Variants in SIGLEC8 observed in about 807,000 individuals in gnomAD.
SIGLEC8 encodes the protein sialic acid-binding Ig-like lectin 8.
In SIGLEC8, 32 loss-of-function variants were observed where a neutral mutation model predicts 42.1. The ratio of observed to expected loss-of-function variants is 0.76; its 90% CI spans 0.57 to 1.02. The LOEUF (loss-of-function observed/expected upper bound fraction) is 1.02, where lower values mean the gene tolerates loss of function less well. Ranked by LOEUF, SIGLEC8 falls within the 50% of genes least tolerant of loss-of-function variation. SIGLEC8 has a pLI of 0.00. For missense variants in SIGLEC8, 611 were observed against 610.2 expected (o/e 1.00, Z -0.01); for synonymous variants, 262 against 260.3 (o/e 1.01, Z -0.06).
At position 51,454,590 on chromosome 19, in the gene SIGLEC8, C is replaced by A; in HGVS notation, c.1148+94G>T. On this transcript the variant is annotated intron_variant, in intron 5 of 6. Coordinates refer to ENST00000321424, the MANE Select transcript of SIGLEC8 (RefSeq NM_014442.3). The surrounding 1 kb of genome is among the most constrained non-coding windows in gnomAD (Gnocchi z 4.7). ...GCTCATTCTTGCCCCAAGCCCTGGACCCATCCAGGTCCTTCCAGCTCTGGC... is the reference window on the plus strand; with the variant it reads ...GCTCATTCTTGCCCCAAGCCCTGGAACCATCCAGGTCCTTCCAGCTCTGGC... The A allele has an allele frequency of 1.7e-6, 2 of 1,180,752 alleles. No individual in the cohort carries two copies. The highest frequency in any genetic ancestry group is 1.3e-6 in the Non-Finnish European group (1 of 795,316). 73.1% of individuals were successfully genotyped at this position (1,180,752 alleles called of 1,614,324 possible).
chr19:51,453,630 G>A lies in SIGLEC8; in HGVS notation c.1245+589C>T, dbSNP rs1989420724. 4 of 547,540 alleles carry A rather than the reference G, an allele frequency of 7.3e-6. No homozygotes were observed. In the South Asian group the frequency reaches 3.2e-4, roughly 43 times the overall value. The allele number at this position is 547,540 out of a possible 1,614,324, so 33.9% of individuals were successfully genotyped here. ...GAATTGCTTGAACCTGGGAGGCAGA[G>A]GTTGCAGTGAGCCGAGATTGCCCCA... On this transcript the variant is annotated intron_variant, in intron 6 of 6. Coordinates refer to ENST00000321424, the MANE Select transcript of SIGLEC8 (RefSeq NM_014442.3).
chr19:51,453,341 T>C, intron 6 of SIGLEC8: 4 of 973,916 alleles, frequency 4.1e-6, no homozygotes, highest in Non-Finnish European at 4.9e-6. Context: ...CCTCCTACCT[T>C]GGCCTCCCAA....
rs1392008327 is a variant in SIGLEC8 at position 51,455,572 on chromosome 19, G to A, written c.897C>T (p.Ser299=). The A allele has an allele frequency of 1.2e-6, 2 of 1,613,924 alleles. No homozygotes were observed. The highest frequency in any genetic ancestry group is 1.3e-5 in the African/African-American group (1 of 74,920). Residue 299 remains serine (S), a synonymous_variant, in exon 4 of 7, where the codon AGC becomes AGT. Transcript: ENST00000321424. The part of the protein sequence containing the change: ...PPARLSWTRG[S]LTLCPSRSSN... The stretch of plus-strand genomic sequence containing the variant: ...AGGACCGTGAGGGGCACAGGGTCAG[G>A]CTCCCCCGGGTCCAGCTCAGCCTGG...
rs1436383767 is a variant in SIGLEC8, at chr19:51,457,280, A to G, written c.734-49T>C. The stretch of plus-strand genomic sequence containing the variant: ...CCACATTACTATAAGGACTGGGGAC[A>G]TTGGCCCTGTCTTCCCAGGAGCTGC... On this transcript the variant is annotated intron_variant, in intron 2 of 6. Transcript: ENST00000321424. 6 of 1,574,788 alleles carry G rather than the reference A, an allele frequency of 3.8e-6. No individual in the cohort carries two copies. The Admixed American group carries it at 1.0e-4, about 27-fold the overall frequency.
At chr19:51,457,286 C>T (rs185254572) in intron 2 of SIGLEC8, 55 bp from the exon 3 acceptor site, 12 of 1,562,154 alleles carry the variant, frequency 7.7e-6, no homozygotes, top group Non-Finnish European at 1.0e-5. Context: ...GGACATTGGC[C>T]CTGTCTTCCC....
In SIGLEC8 at chr19:51,452,483, T is replaced by A. The variant is rs777140971; in HGVS notation, c.1396A>T (p.Thr466Ser). Residue 466 changes from threonine (T) to serine (S), a missense_variant, in exon 7 of 7, where the codon ACT becomes TCT. Transcript: ENST00000321424. Reference protein sequence around the residue: ...KPQDPQGQEATDSEYSEIKIH... With the variant: ...KPQDPQGQEASDSEYSEIKIH... ...TTGATCTCCGAGTATTCACTGTCAG[T>A]GGCCTCCTGTCCCTGCGGGTCCTGA... 9.3e-6 allele frequency: 15 copies of A among 1,612,454 alleles called. No individual in the cohort carries two copies. In the Admixed American group the frequency reaches 2.3e-4, roughly 25 times the overall value.
chr19:51,454,818 A>T lies in SIGLEC8; in HGVS notation c.1052-38T>A, dbSNP rs770029565. On this transcript the variant is annotated intron_variant, in intron 4 of 6. Coordinates refer to ENST00000321424, the MANE Select transcript of SIGLEC8 (RefSeq NM_014442.3). This position sits in a 1 kb window ranked among gnomAD's most constrained non-coding sequence, Gnocchi z 4.7. ...TGGAGTTGCTTTGGGGATTTATATC[A>T]CGGAGAAGTGGGTCTCTTCCCCTCC... 4 of 1,498,180 alleles carry T rather than the reference A, an allele frequency of 2.7e-6. No individual in the cohort carries two copies. The South Asian group carries it at 4.5e-5, about 17-fold the overall frequency. 92.8% of individuals were successfully genotyped at this position (1,498,180 alleles called of 1,614,324 possible). A position where few individuals can be genotyped will look rare whatever the true frequency, so the allele number is the denominator to read the frequency against.
intron 3 of SIGLEC8, among the ~76,000 whole-genome samples, chr19:51,456,586 A>C (rs1599929745): frequency 1.3e-5 from 2 of 152,362 alleles, no homozygotes; most frequent in South Asian, 4.1e-4. Context: ...CCATCTGTGC[A>C]GTGAAATCAC....
At position 51,455,560 on chromosome 19, in the gene SIGLEC8, G is replaced by A; in HGVS notation, c.909C>T (p.Cys303=). 1.2e-6 allele frequency: 2 copies of A among 1,614,126 alleles called. No homozygotes were observed. Among genetic ancestry groups the A allele is most frequent in the Non-Finnish European group, 1.7e-6 (2 of 1,180,012 alleles). The stretch of plus-strand genomic sequence containing the variant: ...GCCCAGGGTTTGAGGACCGTGAGGG[G>A]CACAGGGTCAGGCTCCCCCGGGTCC... The part of the protein sequence containing the change: ...LSWTRGSLTL[C]PSRSSNPGLL... The change falls in exon 4 of 7, where the codon TGC becomes TGT. Residue 303 remains cysteine (C), a synonymous_variant. Transcript: ENST00000321424.
At chr19:51,456,213 T>TATAATA (rs368300815) in intron 3 of SIGLEC8, among the ~76,000 whole-genome samples, 187 of 150,708 alleles carry the variant, frequency 1.2e-3, no homozygotes, top group African/African-American at 4.3e-3. Context: ...AAACTTAAAG[T>TATAATA]ATAATAATAA....
At chr19:51,452,790 A>G (rs1031286568) in intron 6 of SIGLEC8, among the ~76,000 whole-genome samples, 157 bp from the exon 7 acceptor site, 1 of 152,206 alleles carries the variant, frequency 6.6e-6, no homozygotes, top group Admixed American at 6.5e-5. Flanking sequence ...TTTAACACTT[A>G]CTGAGCACCT....
intron 6 of SIGLEC8, chr19:51,453,563 C>T (rs536710481): frequency 1.6e-5 from 6 of 378,736 alleles, no homozygotes; most frequent in East Asian, 3.3e-4. Context: ...GGCTTGGTGG[C>T]GCGTGCCTGT....
Position 51,458,306 on chromosome 19 carries a change from A to G in SIGLEC8, c.82T>C (p.Leu28=). The change falls in exon 1 of 7, where the codon TTG becomes CTG. Residue 28 remains leucine (L), a synonymous_variant. Transcript: ENST00000321424. The stretch of plus-strand genomic sequence containing the variant: ...GTCACCAGCTCCTGCACTTGCAGCA[A>G]GTAACCATCCCCATATTGTCTGTCT... ...EGDRQYGDGY[L]LQVQELVTVQ... The G allele has an allele frequency of 6.2e-7, 1 of 1,614,128 alleles. No individual in the cohort carries two copies. The highest frequency in any genetic ancestry group is 8.5e-7 in the Non-Finnish European group (1 of 1,180,000).
rs146821067 is a variant in SIGLEC8, at chr19:51,458,133, G to T, written c.255C>A (p.Asp85Glu). The T allele has an allele frequency of 2.2e-5, 36 of 1,614,022 alleles. No homozygotes were observed. The Admixed American group carries it at 5.8e-4, about 26-fold the overall frequency. Residue 85 changes from aspartate to glutamate, a missense_variant, in exon 1 of 7, where the codon GAC becomes GAA. Physicochemically the swap from Asp to Glu is conservative, Grantham distance 45 (BLOSUM62 2). Coordinates refer to ENST00000321424, the MANE Select transcript of SIGLEC8 (RefSeq NM_014442.3). ...QDAPVATNNP[D>E]REVQAETQGR... Reference sequence around the variant, plus strand: ...CCTGGGTCTCTGCCTGCACTTCTCTGTCTGGGTTGTTTGTGGCCACTGGAG... The same window carrying T: ...CCTGGGTCTCTGCCTGCACTTCTCTTTCTGGGTTGTTTGTGGCCACTGGAG...
Position 51,454,100 on chromosome 19 carries a change from G to T in SIGLEC8, c.1245+119C>A. The stretch of plus-strand genomic sequence containing the variant: ...GGGAGTCCTGTAGAAGCCGGCCTGT[G>T]GGAAGGAGGAGGAGACGAGGAAGTG... On this transcript the variant is annotated intron_variant, in intron 6 of 6. Transcript: ENST00000321424. This position sits in a 1 kb window ranked among gnomAD's most constrained non-coding sequence, Gnocchi z 4.7. 1 of 1,514,302 alleles carries T rather than the reference G, an allele frequency of 6.6e-7. No individual in the cohort carries two copies. Among genetic ancestry groups the T allele is most frequent in the Admixed American group, 2.2e-5 (1 of 45,130 alleles). 93.8% of individuals were successfully genotyped at this position (1,514,302 alleles called of 1,614,324 possible).
chr19:51,454,599 G>T lies in SIGLEC8; in HGVS notation c.1148+85C>A. 1.6e-6 allele frequency: 2 copies of T among 1,248,306 alleles called. No individual in the cohort carries two copies. The highest frequency in any genetic ancestry group is 2.3e-6 in the Non-Finnish European group (2 of 852,798). The allele number at this position is 1,248,306 out of a possible 1,614,324, so 77.3% of individuals were successfully genotyped here. ...TGCCCCAAGCCCTGGACCCATCCAG[G>T]TCCTTCCAGCTCTGGCTTCAGGGAT... On this transcript the variant is annotated intron_variant, in intron 5 of 6. Coordinates refer to ENST00000321424, the MANE Select transcript of SIGLEC8 (RefSeq NM_014442.3). The surrounding 1 kb of genome is among the most constrained non-coding windows in gnomAD (Gnocchi z 4.7).
Position 51,457,453 on chromosome 19 carries a change from GC to G in SIGLEC8, c.733+7del. On this transcript the variant is annotated splice_region_variant and intron_variant, in intron 2 of 6. Coordinates refer to ENST00000321424, the MANE Select transcript of SIGLEC8 (RefSeq NM_014442.3). Reference sequence around the variant, plus strand: ...TGAGGGACCTGGGCATCTTGGTCCAGCACTCACAGGACACATCGAGGCGGAC... The same window carrying G: ...TGAGGGACCTGGGCATCTTGGTCCAGACTCACAGGACACATCGAGGCGGAC... 6.2e-7 allele frequency: 1 copy of G among 1,613,452 alleles called. No individual in the cohort carries two copies. Among genetic ancestry groups the G allele is most frequent in the Non-Finnish European group, 8.5e-7 (1 of 1,179,950 alleles).
At chr19:51,453,475 A>T (rs1266019372) in intron 6 of SIGLEC8, 1 of 794,752 alleles carries the variant, frequency 1.3e-6, no homozygotes, top group African/African-American at 1.9e-5. Context: ...AGGCGGGCGG[A>T]TCACGAGGTC....
rs1989454362 is a variant in SIGLEC8 at position 51,454,952 on chromosome 19, A to T, written c.1052-172T>A. On this transcript the variant is annotated intron_variant, in intron 4 of 6. Transcript: ENST00000321424. This position sits in a 1 kb window ranked among gnomAD's most constrained non-coding sequence, Gnocchi z 4.7. Reference sequence around the variant, plus strand: ...ACTTCTGAGGCCAGTGAGGCATGAGAGTGCTGGATGCAGCTTGTCTTGCCT... The same window carrying T: ...ACTTCTGAGGCCAGTGAGGCATGAGTGTGCTGGATGCAGCTTGTCTTGCCT... Among the ~76,000 whole-genome samples the T allele has an allele frequency of 6.6e-6, 1 of 152,194 alleles. No individual in the cohort carries two copies. The highest frequency in any genetic ancestry group is 2.4e-5 in the African/African-American group (1 of 41,444).
Sources: allele counts gnomAD v4.1 joint callset (sites outside exome capture counted in the v4.1 genomes callset), GRCh38; gene constraint gnomAD v4.1.1; non-coding constraint Gnocchi (gnomAD v3.1); transcripts MANE v1.5; gene names NCBI Gene and HGNC (gene_info 2026-07-23, HGNC 2026-07-21).